Variants in CTBP2 observed in about 807,000 individuals in gnomAD.
The protein encoded by CTBP2 is C-terminal-binding protein 2.
In CTBP2, 30 loss-of-function variants were observed where a neutral mutation model predicts 80.3. That is an observed-to-expected ratio of 0.37 (90% CI 0.28 to 0.51). CTBP2 has a LOEUF of 0.51. CTBP2 is among the 20% of genes least tolerant of loss of function. The probability of loss-of-function intolerance (pLI) is 0.93; values close to 1 mark genes in which losing one functional copy is unlikely to be tolerated. For synonymous variants in CTBP2, 594 were observed against 587.4 expected, an observed-to-expected ratio of 1.01 and a Z score of -0.16; for missense variants, 1,212 against 1,375.3, an observed-to-expected ratio of 0.88 and a Z score of 1.88.
intron 2 of CTBP2, among the ~76,000 whole-genome samples, chr10:125,094,178 G>A (rs1454281896): frequency 6.6e-6 from 1 of 152,186 alleles, no homozygotes. Flanking sequence ...GTGCTGATAA[G>A]CCTCATTCGG....
chr10:125,068,675 C>T (rs1202886445), intron 2 of CTBP2, among the ~76,000 whole-genome samples: 1 of 152,192 alleles, frequency 6.6e-6, no homozygotes, highest in African/African-American at 2.4e-5. Flanking sequence ...TACTGGGTTT[C>T]CCAGTGTGGT....
chr10:125,001,620 G>A (rs1395011916), intron 3 of CTBP2: 1 of 152,310 alleles, frequency 6.6e-6, no homozygotes, highest in Non-Finnish European at 1.5e-5. Flanking sequence ...ACCCTAAGGG[G>A]TGTGGAATCT....
chr10:125,033,400 CTT>C (rs1958475112), intron 3 of CTBP2, among the ~76,000 whole-genome samples: 1 of 152,194 alleles, frequency 6.6e-6, no homozygotes, highest in Non-Finnish European at 1.5e-5. Flanking sequence ...GGTGCCTGAG[CTT>C]TAGTAGCAAG....
intron 3 of CTBP2, 73 bp from the exon 6 acceptor site, chr10:124,998,243 C>A: frequency 6.6e-7 from 1 of 1,513,702 alleles, no homozygotes; most frequent in Non-Finnish European, 8.9e-7. Flanking sequence ...GGCTCCCAGC[C>A]CGCCCTCCTG....
chr10:125,150,608 C>T (rs1248183538), intron 1 of CTBP2, among the ~76,000 whole-genome samples: 1 of 151,768 alleles, frequency 6.6e-6, no homozygotes, highest in Admixed American at 6.6e-5. Context: ...GCTCCCTGGC[C>T]CTGACTCTTC....
At chr10:125,008,899 T>C (rs1300053356) in intron 1 of CTBP2, among the ~76,000 whole-genome samples, 2 of 152,258 alleles carry the variant, frequency 1.3e-5, no homozygotes, top group South Asian at 2.1e-4. Context: ...CATTAGGTCA[T>C]AGCCTGTTCC....
chr10:125,157,558 C>T (rs1403701498), intron 1 of CTBP2, among the ~76,000 whole-genome samples: 1 of 152,078 alleles, frequency 6.6e-6, no homozygotes, highest in Admixed American at 6.5e-5. Context: ...TAACTGGGGT[C>T]CCCTACCCCT....
chr10:125,089,109 G>A (rs1848411260), intron 2 of CTBP2, among the ~76,000 whole-genome samples: 1 of 152,156 alleles, frequency 6.6e-6, no homozygotes, highest in Non-Finnish European at 1.5e-5. Context: ...TGTCACTTAT[G>A]CCTCAAAACA....
At position 125,027,457 on chromosome 10, in the gene CTBP2, A is replaced by T. The variant is rs780004165; in HGVS notation, c.303T>A (p.Gly101=). Residue 101 remains glycine, a synonymous_variant, in exon 1 of 9, where the codon GGT becomes GGA. Transcript: ENST00000309035. The stretch of plus-strand genomic sequence containing the variant: ...ACTCCCGTGGCAGCAGGGGGCTGCG[A>T]CCAGACATCACTGCCTGTCTGCTGT... 1.2e-6 allele frequency: 2 copies of T among 1,614,118 alleles called. No individual in the cohort carries two copies. The highest frequency in any genetic ancestry group is 1.7e-6 in the Non-Finnish European group (2 of 1,180,006).
rs142442450 is a variant in CTBP2, at chr10:125,003,009, C to A, written c.1929G>T (p.Arg643=). 8.9e-5 allele frequency: 143 copies of A among 1,613,974 alleles called. No individual in the cohort carries two copies. In the African/African-American group the frequency reaches 1.4e-3, roughly 16 times the overall value. The change falls in exon 3 of 9, where the codon CGG becomes CGT. Residue 643 remains arginine, a synonymous_variant. Transcript: ENST00000309035. ...CCACGTTGTCATAGCCACTGCCTAT[C>A]CGCACGATCACTCTCAGGGCCTTGA...
chr10:125,077,923 C>T (rs1023255384), intron 2 of CTBP2, among the ~76,000 whole-genome samples: 1 of 152,300 alleles, frequency 6.6e-6, no homozygotes, highest in East Asian at 1.9e-4. Context: ...TCAGATTCAG[C>T]CCTGGGTGGT....
chr10:125,045,082 T>C (rs1194101306), intron 2 of CTBP2, among the ~76,000 whole-genome samples: 1 of 152,186 alleles, frequency 6.6e-6, no homozygotes, highest in Non-Finnish European at 1.5e-5. Flanking sequence ...AGTGATTGTA[T>C]CTGGGTGCTG....
intron 1 of CTBP2, among the ~76,000 whole-genome samples, chr10:125,157,632 A>G (rs966434282): frequency 2.1e-5 from 3 of 144,196 alleles, no homozygotes; most frequent in African/African-American, 7.7e-5. Context: ...TCCCTTTTAC[A>G]GGGGGGCAGG....
intron 1 of CTBP2, chr10:125,159,952 G>A (rs1440228479): frequency 6.7e-6 from 1 of 148,904 alleles, no homozygotes; most frequent in Admixed American, 6.9e-5. Flanking sequence ...GCCGCGCTCG[G>A]GGTTTCTTTT....
chr10:125,127,580 A>C (rs1047965436), intron 1 of CTBP2, among the ~76,000 whole-genome samples: 90 of 152,308 alleles, frequency 5.9e-4, no homozygotes, highest in Non-Finnish European at 2.2e-4. Context: ...AAGGACCCAC[A>C]TGGAATGGCC....
chr10:125,053,524 T>C (rs1465635933), intron 2 of CTBP2, among the ~76,000 whole-genome samples: 2 of 152,146 alleles, frequency 1.3e-5, no homozygotes, highest in African/African-American at 4.8e-5. Flanking sequence ...GAGTGGCTCC[T>C]GGGCTCAGCC....
chr10:125,155,015 A>G (rs1303303389), intron 1 of CTBP2, among the ~76,000 whole-genome samples: 1 of 152,236 alleles, frequency 6.6e-6, no homozygotes, highest in African/African-American at 2.4e-5. Flanking sequence ...CTGAAGTTGA[A>G]TATCATTTCC....
intron 1 of CTBP2, among the ~76,000 whole-genome samples, chr10:125,008,336 C>T (rs1035986768): frequency 6.6e-6 from 1 of 152,330 alleles, no homozygotes; most frequent in Non-Finnish European, 1.5e-5. Context: ...CTGAGTCACT[C>T]CCTGTTCCTG....
At chr10:125,112,451 C>A (rs1412401232) in intron 1 of CTBP2, among the ~76,000 whole-genome samples, 2 of 94,450 alleles carry the variant, frequency 2.1e-5, no homozygotes, top group Admixed American at 2.4e-4. Flanking sequence ...TTTTTTGAGA[C>A]GTAGTCTCAC....
Sources: allele counts gnomAD v4.1 joint callset (sites outside exome capture counted in the v4.1 genomes callset), GRCh38; gene constraint gnomAD v4.1.1; transcripts MANE v1.5; gene names NCBI Gene and HGNC (gene_info 2026-07-23, HGNC 2026-07-21).